Variants in CUBN observed in about 807,000 individuals in gnomAD.
The protein encoded by CUBN is cubilin.
In CUBN, 282 loss-of-function variants were observed where a neutral mutation model predicts 405.3. The ratio of observed to expected loss-of-function variants is 0.70; its 90% CI spans 0.63 to 0.77. CUBN has a LOEUF of 0.77. Among genes scored for constraint, CUBN ranks in the 30% least tolerant of loss-of-function variants. The pLI, the probability that CUBN is intolerant of heterozygous loss-of-function variation, is 0.00. For missense variants in CUBN, 4,514 were observed against 4,475.2 expected (o/e 1.01, Z -0.25); for synonymous variants, 1,684 against 1,617.0 (o/e 1.04, Z -0.99).
At chr10:17,002,297 G>A (rs1334199344) in intron 28 of CUBN, among the ~76,000 whole-genome samples, 2 of 152,074 alleles carry the variant, frequency 1.3e-5, no homozygotes, top group African/African-American at 2.4e-5. Flanking sequence ...GGAATCCCCT[G>A]CAAAGTACAT....
At chr10:17,114,481 C>T (rs1836843142) in intron 7 of CUBN, among the ~76,000 whole-genome samples, 1 of 152,174 alleles carries the variant, frequency 6.6e-6, no homozygotes, top group South Asian at 2.1e-4. Context: ...TCAATCAACT[C>T]AGCCTGCTAT....
At chr10:16,829,524 C>T (rs913420616) in intron 65 of CUBN, among the ~76,000 whole-genome samples, 14 of 152,148 alleles carry the variant, frequency 9.2e-5, no homozygotes, top group South Asian at 4.1e-4. Flanking sequence ...TTGTAGGTGA[C>T]GGCAGGAATG....
At chr10:16,975,345 G>A (rs1833059400) in intron 31 of CUBN, among the ~76,000 whole-genome samples, 1 of 152,198 alleles carries the variant, frequency 6.6e-6, no homozygotes, top group Non-Finnish European at 1.5e-5. Context: ...ATATGGCAGT[G>A]TTCATAGAAA....
At chr10:17,119,311 C>A (rs1392992637) in intron 6 of CUBN, among the ~76,000 whole-genome samples, 1 of 152,188 alleles carries the variant, frequency 6.6e-6, no homozygotes, top group Middle Eastern at 3.2e-3. Context: ...AAATGTACAA[C>A]ACACACCATC....
At chr10:17,023,646 T>G in intron 27 of CUBN, 1 of 455,938 alleles carries the variant, frequency 2.2e-6, no homozygotes, top group South Asian at 1.5e-5. Flanking sequence ...TTGCAACTAC[T>G]GACAAGCAAG....
chr10:16,874,277 G>T, intron 58 of CUBN, 97 bp downstream of exon 58: 1 of 1,278,832 alleles, frequency 7.8e-7, no homozygotes. Context: ...CCTCCAGACT[G>T]CCGATGAGAA....
At chr10:16,849,677 TAA>T (rs1839624181) in intron 60 of CUBN, among the ~76,000 whole-genome samples, 1 of 152,206 alleles carries the variant, frequency 6.6e-6, no homozygotes, top group East Asian at 1.9e-4. Context: ...TCCTAGAACT[TAA>T]GTTTCTCTTG....
chr10:17,045,895 A>G, intron 24 of CUBN, 39 bp downstream of exon 24: 4 of 1,607,406 alleles, frequency 2.5e-6, no homozygotes, highest in Non-Finnish European at 3.4e-6. Context: ...AACCAATCAG[A>G]TTGGCTTCTC....
intron 22 of CUBN, among the ~76,000 whole-genome samples, chr10:17,056,272 A>T (rs796171426): frequency 6.6e-6 from 1 of 152,130 alleles, no homozygotes; most frequent in East Asian, 1.9e-4. Flanking sequence ...AGAAAAATTG[A>T]TGCAAAATGG....
chr10:17,104,615 A>G lies in CUBN; in HGVS notation c.1231-10T>C, dbSNP rs202219491. Reference sequence around the variant, plus strand: ...AACCAGAGACAGTGTCCTAAGGGGAAAAAAAACACATAATACCATAAAACA... The same window carrying G: ...AACCAGAGACAGTGTCCTAAGGGGAGAAAAAACACATAATACCATAAAACA... On this transcript the variant is annotated splice_polypyrimidine_tract_variant and intron_variant, in intron 11 of 66. Transcript: ENST00000377833. The G allele has an allele frequency of 6.2e-6, 10 of 1,607,768 alleles. No individual in the cohort carries two copies. Among genetic ancestry groups the G allele is most frequent in the Non-Finnish European group, 8.5e-6 (10 of 1,176,070 alleles).
At chr10:16,958,773 G>C (rs1843140565) in intron 31 of CUBN, among the ~76,000 whole-genome samples, 1 of 152,138 alleles carries the variant, frequency 6.6e-6, no homozygotes. Flanking sequence ...CCAAATTCTA[G>C]ATTTACCATG....
At chr10:17,009,433 T>G (rs1401890574) in intron 28 of CUBN, among the ~76,000 whole-genome samples, 4 of 152,186 alleles carry the variant, frequency 2.6e-5, no homozygotes, top group Admixed American at 6.5e-5. Context: ...ACCAGAATAT[T>G]CAGCACATTG....
chr10:16,928,530 C>T (rs1303664544), intron 40 of CUBN, among the ~76,000 whole-genome samples: 2 of 57,764 alleles, frequency 3.5e-5, no homozygotes, highest in Admixed American at 1.7e-4. Flanking sequence ...CCCCACCCCC[C>T]CCTTTTTTTT....
intron 31 of CUBN, among the ~76,000 whole-genome samples, chr10:16,970,190 C>G (rs185886619): frequency 1.3e-5 from 2 of 152,240 alleles, no homozygotes; most frequent in African/African-American, 2.4e-5. Flanking sequence ...GACTTCAAAG[C>G]AAGGACACTT....
At chr10:16,948,051 A>G (rs1842832057) in intron 35 of CUBN, among the ~76,000 whole-genome samples, 1 of 152,212 alleles carries the variant, frequency 6.6e-6, no homozygotes, top group South Asian at 2.1e-4. Context: ...TCTACTAAAA[A>G]TACAAAAATT....
Position 16,938,939 on chromosome 10 carries a change from CATTG to C in CUBN, c.5733+20_5733+23del. ...ATAGCAATTCACCAATATTTATGAA[CATTG>C]ATTGCATGTGGAAACTCACCCTTAA... On this transcript the variant is annotated intron_variant, in intron 38 of 66. Coordinates refer to ENST00000377833, the MANE Select transcript of CUBN (RefSeq NM_001081.4). The C allele has an allele frequency of 6.3e-7, 1 of 1,585,308 alleles. No homozygotes were observed. Among genetic ancestry groups the C allele is most frequent in the Non-Finnish European group, 8.7e-7 (1 of 1,155,784 alleles).
rs1235742334 is a variant in CUBN, at chr10:17,068,650, T to C, written c.2746A>G (p.Thr916Ala). 1.2e-6 allele frequency: 2 copies of C among 1,613,268 alleles called. No homozygotes were observed. The highest frequency in any genetic ancestry group is 2.7e-5 in the African/African-American group (2 of 74,868). ...TTAGCCATGAAACCATGGTTTTCAG[T>C]AGAAGAACTTTTCACGAATGTGACA... ...LYVTFVKSSS[T>A]ENHGFMAKFS... Residue 916 changes from threonine to alanine, a missense_variant, in exon 20 of 67, where the codon ACT (threonine) becomes GCT (alanine). Physicochemically the swap from Thr to Ala is moderately conservative, Grantham distance 58. Around this residue, in one of 5 missense-constraint regions of CUBN, gnomAD observed 1,448 missense variants for 1,388.0 expected, o/e 1.04. Coordinates refer to ENST00000377833, the MANE Select transcript of CUBN (RefSeq NM_001081.4).
chr10:17,108,172 C>G (rs912060154), intron 10 of CUBN, among the ~76,000 whole-genome samples: 3 of 152,128 alleles, frequency 2.0e-5, no homozygotes, highest in Non-Finnish European at 4.4e-5. Context: ...CTCATTTAAT[C>G]ATCTGAAGCA....
rs112091308 is a variant in CUBN, at chr10:16,995,429, A to C, written c.4169-4914T>G. Among the ~76,000 whole-genome samples, 589 of 152,352 alleles carry C rather than the reference A, an allele frequency of 3.9e-3. 5 individuals carry two copies. Among genetic ancestry groups the C allele is most frequent in the African/African-American group, 0.013 (557 of 41,588 alleles). ...TACATAGAATGAATGAAACAATCCAAAGTTTTTAGCTAAATGTTGTGCATA... is the reference window on the plus strand; with the variant it reads ...TACATAGAATGAATGAAACAATCCACAGTTTTTAGCTAAATGTTGTGCATA... On this transcript the variant is annotated intron_variant, in intron 28 of 66. Transcript: ENST00000377833.
Sources: gnomAD v4.1 joint callset for allele counts (sites outside exome capture counted in the v4.1 genomes callset) on GRCh38, gnomAD v4.1.1 for gene constraint, gnomAD v4.1.1 regional missense constraint, MANE v1.5 for transcripts, NCBI Gene and HGNC (gene_info 2026-07-23, HGNC 2026-07-21) for gene names.